The following GYPE variants were observed in gnomAD, a reference collection of about 807,000 sequenced individuals.
GYPE encodes glycophorin-E.
In GYPE, 8 loss-of-function variants were observed where a neutral mutation model predicts 11.6. That is an observed-to-expected ratio of 0.69 (90% CI 0.41 to 1.25). GYPE has a LOEUF of 1.25. GYPE is among the 50% of genes most tolerant of loss of function. The pLI is 0.01. For synonymous variants in GYPE, 28 were observed against 29.6 expected (o/e 0.94, Z 0.18); for missense variants, 90 against 92.8 (o/e 0.97, Z 0.12).
At chr4:143,885,615 T>A (rs1314617667) in intron 1 of GYPE, among the ~76,000 whole-genome samples, 1 of 151,936 alleles carries the variant, frequency 6.6e-6, no homozygotes, top group African/African-American at 2.4e-5. Context: ...TCTTTCCAGC[T>A]GGATCTACAT....
At chr4:143,893,843 T>A (rs922888421) in intron 1 of GYPE, among the ~76,000 whole-genome samples, 3 of 152,244 alleles carry the variant, frequency 2.0e-5, no homozygotes, top group Middle Eastern at 3.4e-3. Flanking sequence ...ATTTCCTGAA[T>A]CTGAATGTTG....
intron 3 of GYPE, among the ~76,000 whole-genome samples, chr4:143,874,569 C>G (rs1018248597): frequency 7.2e-5 from 11 of 152,202 alleles, no homozygotes; most frequent in Admixed American, 3.3e-4. Flanking sequence ...CAGCATATGG[C>G]CAAGGCCTGC....
chr4:143,888,352 T>G lies in GYPE; in HGVS notation c.38-7843A>C, dbSNP rs866040794. ...ATGTGATAAAGTCAGCTCATGCAGCTGCTGCTTTGAGTTTTGGTTCGCTCC... is the reference window on the plus strand; with the variant it reads ...ATGTGATAAAGTCAGCTCATGCAGCGGCTGCTTTGAGTTTTGGTTCGCTCC... On this transcript the variant is annotated intron_variant, in intron 1 of 3. Transcript: ENST00000358615. 0.016 allele frequency among the ~76,000 whole-genome samples: 285 copies of G among 18,324 alleles called. 119 individuals are homozygous for G. The Non-Finnish European group carries it at 0.64, about 41-fold the overall frequency. 12.0% of individuals were successfully genotyped at this position (18,324 alleles called of 152,430 possible).
chr4:143,883,330 T>C (rs1244595466), intron 1 of GYPE, among the ~76,000 whole-genome samples: 1 of 152,008 alleles, frequency 6.6e-6, no homozygotes, highest in Non-Finnish European at 1.5e-5. Context: ...ATGCTTCTTG[T>C]ATAGCCTGCA....
rs1808991 is a variant in GYPE, at chr4:143,871,806, G to T, written c.*456C>A. On this transcript the variant is annotated 3_prime_UTR_variant, in exon 4 of 4. Transcript: ENST00000358615. ...ATATAGCCCTATCCTAAGGGAAAGGGAATTGTGGTTGGACAACCGAGTTCT... is the reference window on the plus strand; with the variant it reads ...ATATAGCCCTATCCTAAGGGAAAGGTAATTGTGGTTGGACAACCGAGTTCT... 39,705 of 152,088 alleles carry T rather than the reference G, an allele frequency of 0.26. 5,426 individuals are homozygous for T. The highest frequency in any genetic ancestry group is 0.36 in the East Asian group (1,863 of 5,160). The allele number at this position is 152,088 out of a possible 1,614,324, so 9.4% of individuals were successfully genotyped here.
chr4:143,898,095 C>G (rs1017469474), intron 1 of GYPE, among the ~76,000 whole-genome samples: 101 of 152,214 alleles, frequency 6.6e-4, no homozygotes, highest in Non-Finnish European at 8.8e-4. Flanking sequence ...AGATAGGTTA[C>G]AACTGGTGCA....
intron 1 of GYPE, among the ~76,000 whole-genome samples, chr4:143,897,871 G>T (rs1311566714): frequency 6.6e-6 from 1 of 151,942 alleles, no homozygotes; most frequent in East Asian, 1.9e-4. Flanking sequence ...TTAGCTAATG[G>T]GACAATTTCA....
chr4:143,890,215 G>A (rs1292250209), intron 1 of GYPE, among the ~76,000 whole-genome samples: 1 of 152,158 alleles, frequency 6.6e-6, no homozygotes, highest in Non-Finnish European at 1.5e-5. Flanking sequence ...AGAACAGATG[G>A]TTCTGGTTAT....
intron 1 of GYPE, among the ~76,000 whole-genome samples, chr4:143,898,916 T>C (rs532966830): frequency 6.6e-6 from 1 of 150,434 alleles, no homozygotes; most frequent in East Asian, 2.0e-4. Flanking sequence ...CCATGATCTC[T>C]ATTCTCAGTT....
chr4:143,873,460 T>C (rs1743685386), intron 3 of GYPE: 1 of 455,704 alleles, frequency 2.2e-6, no homozygotes, highest in East Asian at 6.9e-5. Flanking sequence ...GCAAATTATG[T>C]TACCAATAAC....
At chr4:143,879,133 G>A (rs1743924614) in intron 2 of GYPE, among the ~76,000 whole-genome samples, 1 of 152,112 alleles carries the variant, frequency 6.6e-6, no homozygotes, top group Non-Finnish European at 1.5e-5. Flanking sequence ...AATCTAAACT[G>A]TTACTGTGTC....
chr4:143,897,191 T>C (rs1202780032), intron 1 of GYPE, among the ~76,000 whole-genome samples: 4 of 152,014 alleles, frequency 2.6e-5, no homozygotes, highest in Non-Finnish European at 4.4e-5. Flanking sequence ...ATTCTAGGTG[T>C]GGTGGGTCGT....
intron 1 of GYPE, among the ~76,000 whole-genome samples, chr4:143,881,815 C>T (rs1203772137): frequency 6.6e-6 from 1 of 152,158 alleles, no homozygotes; most frequent in Non-Finnish European, 1.5e-5. Context: ...TTGAGATATT[C>T]AAATGAGGGG....
intron 1 of GYPE, among the ~76,000 whole-genome samples, chr4:143,900,903 G>T (rs1338819220): frequency 2.0e-5 from 3 of 152,164 alleles, no homozygotes; most frequent in Non-Finnish European, 2.9e-5. Flanking sequence ...CTACATAATG[G>T]TGATGGGTGT....
At chr4:143,873,409 A>G (rs764984931) in intron 3 of GYPE, 1 of 455,334 alleles carries the variant, frequency 2.2e-6, no homozygotes, top group Non-Finnish European at 4.4e-6. Context: ...ATCCAGTTGA[A>G]TAATAAAGGT....
intron 1 of GYPE, among the ~76,000 whole-genome samples, chr4:143,893,624 T>C (rs558091480): frequency 6.6e-5 from 10 of 152,320 alleles, no homozygotes; most frequent in Admixed American, 5.2e-4. Flanking sequence ...TCTTTAAGAA[T>C]GTTGAATATT....
At chr4:143,905,150 C>T (rs1745010838) in intron 1 of GYPE, among the ~76,000 whole-genome samples, 1 of 152,126 alleles carries the variant, frequency 6.6e-6, no homozygotes, top group East Asian at 1.9e-4. Flanking sequence ...CTCCTTATAA[C>T]TCAAACAAAG....
chr4:143,880,823 T>C (rs2149906679), intron 1 of GYPE, among the ~76,000 whole-genome samples: 1 of 152,264 alleles, frequency 6.6e-6, no homozygotes, highest in South Asian at 2.1e-4. Flanking sequence ...ATGAAATTAG[T>C]TTAAATATGT....
intron 2 of GYPE, among the ~76,000 whole-genome samples, chr4:143,878,357 T>G (rs961785058): frequency 6.6e-6 from 1 of 152,180 alleles, no homozygotes; most frequent in Admixed American, 6.5e-5. Context: ...GCTGTTCTCA[T>G]ATTCCTGGGC....
Sources: gnomAD v4.1 joint callset for allele counts (sites outside exome capture counted in the v4.1 genomes callset) on GRCh38, gnomAD v4.1.1 for gene constraint, MANE v1.5 for transcripts, NCBI Gene and HGNC (gene_info 2026-07-23, HGNC 2026-07-21) for gene names.